The following ARHGEF18 variants were observed in gnomAD, a reference collection of about 807,000 sequenced individuals.
The protein encoded by ARHGEF18 is rho guanine nucleotide exchange factor 18.
ARHGEF18 carries 93 observed loss-of-function variants against 155.7 expected under a neutral mutation model. That is an observed-to-expected ratio of 0.60 (90% CI 0.50 to 0.71). The LOEUF (loss-of-function observed/expected upper bound fraction) is 0.71, where lower values mean the gene tolerates loss of function less well. Among genes scored for constraint, ARHGEF18 ranks in the 30% least tolerant of loss-of-function variants. The pLI, the probability that ARHGEF18 is intolerant of heterozygous loss-of-function variation, is 0.00. For synonymous variants in ARHGEF18, 742 were observed against 753.1 expected (o/e 0.99, Z 0.24); for missense variants, 1,593 against 1,816.1 (o/e 0.88, Z 2.23).
chr19:7,453,395 AC>A, intron 16 of ARHGEF18, 71 bp from the exon 17 acceptor site: 2 of 1,513,022 alleles, frequency 1.3e-6, no homozygotes, highest in Non-Finnish European at 1.8e-6. Context: ...ACATGTCCAT[AC>A]ATAGTGAGTG....
chr19:7,385,870 T>TCTCTCTCTCTCC lies in ARHGEF18; in HGVS notation c.967+2668_967+2669insTCTCTCTCTCCC, dbSNP rs1555704468. On this transcript the variant is annotated intron_variant, in intron 10 of 28. Transcript: ENST00000668164. ...CTCTCTCTCTCTCTCTCTCTCTCTC[T>TCTCTCTCTCTCC]CCCCCCTCCCTCTCTCCCTCCCTCC... is the stretch of plus-strand genomic sequence containing the variant. Among the ~76,000 whole-genome samples, 6 of 29,566 alleles carry TCTCTCTCTCTCC rather than the reference T, an allele frequency of 2.0e-4. 1 individual carries two copies. Among genetic ancestry groups the TCTCTCTCTCTCC allele is most frequent in the East Asian group, 9.5e-4 (1 of 1,052 alleles). The allele number at this position is 29,566 out of a possible 152,430, so 19.4% of individuals were successfully genotyped here.
At chr19:7,380,243 C>T (rs1244075198) in intron 7 of ARHGEF18, among the ~76,000 whole-genome samples, 1 of 151,864 alleles carries the variant, frequency 6.6e-6, no homozygotes, top group Non-Finnish European at 1.5e-5. Flanking sequence ...CTTTGGGAGG[C>T]CAAGGCGGGC....
At position 7,357,627 on chromosome 19, in the gene ARHGEF18, C is replaced by G. The variant is rs571295264; in HGVS notation, c.-110-5154C>G. ...GCTTAGCTCCCCTGGGAGAGTGACT[C>G]CCTTACAGCGTGTCTCCTGTCATCA... On this transcript the variant is annotated intron_variant, in intron 1 of 28. Transcript: ENST00000668164. 3.9e-5 allele frequency among the ~76,000 whole-genome samples: 6 copies of G among 152,228 alleles called. No individual in the cohort carries two copies. In the South Asian group the frequency reaches 1.2e-3, roughly 32 times the overall value.
chr19:7,376,617 T>G (rs1970471839), intron 4 of ARHGEF18, 26 bp from the exon 5 acceptor site: 16 of 1,229,052 alleles, frequency 1.3e-5, no homozygotes, highest in Non-Finnish European at 1.6e-5. Context: ...CCTTCCCAGC[T>G]TAGTGAGATG....
intron 10 of ARHGEF18, among the ~76,000 whole-genome samples, chr19:7,423,862 G>A (rs1180394427): frequency 6.6e-6 from 1 of 151,988 alleles, no homozygotes; most frequent in Non-Finnish European, 1.5e-5. Context: ...AGAGGAAGTC[G>A]ATCTAGTATT....
rs1974699419 is a variant in ARHGEF18, at chr19:7,442,161, C to T, written c.1360+109C>T. ...TCCTTCCTTCCTTCCTTCCTTCCTT[C>T]CTTCCTTCCTTATCTTTTTCTTTCT... On this transcript the variant is annotated intron_variant, in intron 13 of 28. Coordinates refer to ENST00000668164, the MANE Select transcript of ARHGEF18 (RefSeq NM_001367823.1). 9 of 776,658 alleles carry T rather than the reference C, an allele frequency of 1.2e-5. No homozygotes were observed. In the South Asian group the frequency reaches 1.5e-4, roughly 13 times the overall value. 48.1% of individuals were successfully genotyped at this position (776,658 alleles called of 1,614,324 possible).
At chr19:7,388,704 C>T (rs1444048602) in intron 10 of ARHGEF18, among the ~76,000 whole-genome samples, 1 of 151,902 alleles carries the variant, frequency 6.6e-6, no homozygotes, top group Non-Finnish European at 1.5e-5. Flanking sequence ...CCTCAGCCTC[C>T]TGAGTAGCTG....
Position 7,395,339 on chromosome 19 carries a change from C to T in ARHGEF18, c.967+12136C>T, listed in dbSNP as rs1478733772. On this transcript the variant is annotated intron_variant, in intron 10 of 28. Transcript: ENST00000668164. This position sits in a 1 kb window ranked among gnomAD's most constrained non-coding sequence, Gnocchi z 5.0. ...GGGGTGGCCTGGGGCGCGGGACCCC[C>T]GGGGCTGCCTCGGGCCTCCCGCCGG... The T allele has an allele frequency of 5.1e-6, 5 of 983,670 alleles. No individual in the cohort carries two copies. The highest frequency in any genetic ancestry group is 6.0e-6 in the Non-Finnish European group (5 of 828,334). 60.9% of individuals were successfully genotyped at this position (983,670 alleles called of 1,614,324 possible). A position where few individuals can be genotyped will look rare whatever the true frequency, so the allele number is the denominator to read the frequency against.
chr19:7,409,411 T>C (rs1056325471), intron 10 of ARHGEF18, among the ~76,000 whole-genome samples: 4 of 145,080 alleles, frequency 2.8e-5, no homozygotes, highest in East Asian at 2.1e-4. Context: ...TTGGATTAGA[T>C]TGGAAACTAA....
Position 7,444,281 on chromosome 19 carries a change from G to A in ARHGEF18, c.1438G>A (p.Glu480Lys), listed in dbSNP as rs760508108. The change falls in exon 14 of 29, where the codon GAG becomes AAG. Residue 480 changes from glutamate to lysine, a missense_variant. Transcript: ENST00000668164. This position sits in a 1 kb window ranked among gnomAD's most constrained non-coding sequence, Gnocchi z 4.7. ...LKVYSRALQE[E>K]LQFSSKAIGR... ...GGTGTACTCCAGGGCCCTGCAGGAG[G>A]AGCTGCAGTTCAGCAGCAAGGCCAT... 3 of 1,613,554 alleles carry A rather than the reference G, an allele frequency of 1.9e-6. No individual in the cohort carries two copies. Among genetic ancestry groups the A allele is most frequent in the African/African-American group, 2.7e-5 (2 of 74,934 alleles).
At chr19:7,429,297 A>G (rs896673695) in intron 10 of ARHGEF18, among the ~76,000 whole-genome samples, 2 of 152,172 alleles carry the variant, frequency 1.3e-5, no homozygotes, top group Non-Finnish European at 2.9e-5. Flanking sequence ...ACCAGTGGGC[A>G]GCCCCAAAGC....
In ARHGEF18 at chr19:7,440,386, G is replaced by T; in HGVS notation, c.1010G>T (p.Gly337Val). The T allele has an allele frequency of 6.2e-7, 1 of 1,610,240 alleles. No homozygotes were observed. The change falls in exon 11 of 29, where the codon GGC becomes GTC. Residue 337 changes from glycine to valine, a missense_variant. Gly to Val is a moderately radical substitution (Grantham distance 109). Transcript: ENST00000668164. This position sits in a 1 kb window ranked among gnomAD's most constrained non-coding sequence, Gnocchi z 5.4. The stretch of plus-strand genomic sequence containing the variant: ...CCCCGGGGCACCCTCCTGTCCGATG[G>T]CAGCCCGGCCCTGTCCAGGAATGTC... The part of the protein sequence containing the change: ...EHPRGTLLSD[G>V]SPALSRNVGM...
Position 7,444,305 on chromosome 19 carries a change from A to G in ARHGEF18, c.1462A>G (p.Ile488Val). 6.2e-7 allele frequency: 1 copy of G among 1,613,692 alleles called. No individual in the cohort carries two copies. Among genetic ancestry groups the G allele is most frequent in the Non-Finnish European group, 8.5e-7 (1 of 1,180,018 alleles). The stretch of plus-strand genomic sequence containing the variant: ...GGAGCTGCAGTTCAGCAGCAAGGCC[A>G]TTGGCCGCCTCTTCCCATGCGCTGA... Reference protein sequence around the residue: ...QEELQFSSKAIGRLFPCADDL... With the variant: ...QEELQFSSKAVGRLFPCADDL... The change falls in exon 14 of 29, where the codon ATT becomes GTT. Residue 488 changes from isoleucine to valine, a missense_variant. Coordinates refer to ENST00000668164, the MANE Select transcript of ARHGEF18 (RefSeq NM_001367823.1). This position sits in a 1 kb window ranked among gnomAD's most constrained non-coding sequence, Gnocchi z 4.7.
intron 1 of ARHGEF18, among the ~76,000 whole-genome samples, chr19:7,361,364 G>A (rs1256020219): frequency 3.3e-5 from 5 of 152,132 alleles, no homozygotes; most frequent in East Asian, 1.9e-4. Flanking sequence ...CTCAAATCCC[G>A]GAGGTGGAGG....
intron 10 of ARHGEF18, among the ~76,000 whole-genome samples, chr19:7,397,821 G>A (rs1357902344): frequency 2.6e-5 from 4 of 152,048 alleles, no homozygotes; most frequent in Middle Eastern, 3.4e-3. Flanking sequence ...CTCCCACCTC[G>A]GCCTCCCAAA....
the ARHGEF18 span, chr19:7,477,490 C>T: frequency 1.5e-6 from 2 of 1,341,360 alleles, no homozygotes; most frequent in African/African-American, 3.1e-5. Flanking sequence ...CCTGCCCTTC[C>T]CAAGCCCCTG....
At chr19:7,414,539 G>A (rs1462020281) in intron 10 of ARHGEF18, among the ~76,000 whole-genome samples, 1 of 152,034 alleles carries the variant, frequency 6.6e-6, no homozygotes, top group African/African-American at 2.4e-5. Flanking sequence ...GGCTGGGCAC[G>A]GTGGTTCACG....
intron 2 of ARHGEF18, among the ~76,000 whole-genome samples, chr19:7,367,830 CATATATATATTTTAT>C (rs1251352098): frequency 1.8e-3 from 171 of 97,004 alleles, no homozygotes; most frequent in Middle Eastern, 5.9e-3. Flanking sequence ...TATATATACA[CATATATATATTTTAT>C]ATATATATAT....
rs1970563849 is a variant in ARHGEF18, at chr19:7,378,448, A to G, written c.596A>G (p.His199Arg). ...CMEKDHVEPD[H>R]VLIVQQVLQE... ...GAAAAAGACCATGTGGAACCAGATC[A>G]CGTGTGAGTTTCTGCCTCGTGGTGG... is the stretch of plus-strand genomic sequence containing the variant. Residue 199 changes from histidine (H) to arginine (R), a missense_variant, in exon 6 of 29, where the codon CAC (histidine) becomes CGC (arginine). By Grantham distance (29) the His-to-Arg change is conservative. Coordinates refer to ENST00000668164, the MANE Select transcript of ARHGEF18 (RefSeq NM_001367823.1). 8.1e-7 allele frequency: 1 copy of G among 1,234,320 alleles called. No individual in the cohort carries two copies. The highest frequency in any genetic ancestry group is 1.0e-6 in the Non-Finnish European group (1 of 988,198). The allele number at this position is 1,234,320 out of a possible 1,614,324, so 76.5% of individuals were successfully genotyped here. A position where few individuals can be genotyped will look rare whatever the true frequency, so the allele number is the denominator to read the frequency against.
Sources: allele counts gnomAD v4.1 joint callset (sites outside exome capture counted in the v4.1 genomes callset), GRCh38; gene constraint gnomAD v4.1.1; non-coding constraint Gnocchi (gnomAD v3.1); transcripts MANE v1.5; gene names NCBI Gene and HGNC (gene_info 2026-07-23, HGNC 2026-07-21).